Variants in HECW1 observed in about 807,000 individuals in gnomAD.
The protein encoded by HECW1 is HECT, C2 and WW domain containing E3 ubiquitin protein ligase 1, also known as E3 ubiquitin-protein ligase HECW1.
In HECW1, 61 loss-of-function variants were observed where a neutral mutation model predicts 182.3. The observed-to-expected ratio is 0.33, with a 90% confidence interval of 0.27 to 0.41. The LOEUF (loss-of-function observed/expected upper bound fraction) is 0.41. Ranked by LOEUF, HECW1 falls within the 10% of genes least tolerant of loss-of-function variation. The pLI is 1.00. For missense variants in HECW1, 1,739 were observed against 2,108.9 expected (o/e 0.82, Z 3.44); for synonymous variants, 859 against 832.6 (o/e 1.03, Z -0.55).
intron 2 of HECW1, among the ~76,000 whole-genome samples, chr7:43,128,489 A>G (rs1786528820): frequency 6.6e-6 from 1 of 152,224 alleles, no homozygotes; most frequent in Admixed American, 6.5e-5. Context: ...CCCACTTAGA[A>G]AAAAGATTCC....
At chr7:43,355,001 G>T (rs930759398) in intron 5 of HECW1, among the ~76,000 whole-genome samples, 2 of 150,406 alleles carry the variant, frequency 1.3e-5, no homozygotes, top group Admixed American at 1.3e-4. Flanking sequence ...CCAAGAGGGA[G>T]TGAGATGACA....
intron 8 of HECW1, among the ~76,000 whole-genome samples, chr7:43,410,950 T>C (rs1203622414): frequency 6.6e-6 from 1 of 152,056 alleles, no homozygotes; most frequent in Non-Finnish European, 1.5e-5. Context: ...GTGAAAGAAC[T>C]AGCTCTTGAC....
At chr7:43,141,970 G>A (rs1236163232) in intron 2 of HECW1, among the ~76,000 whole-genome samples, 4 of 152,212 alleles carry the variant, frequency 2.6e-5, no homozygotes, top group Admixed American at 6.5e-5. Flanking sequence ...GAGTTTGGGT[G>A]CAACTGACCT....
At chr7:43,446,525 C>T (rs966867262) in intron 11 of HECW1, among the ~76,000 whole-genome samples, 4 of 152,062 alleles carry the variant, frequency 2.6e-5, no homozygotes, top group Admixed American at 6.6e-5. Context: ...CAACAAAAGG[C>T]GGGGATATTT....
At chr7:43,560,773 G>C (rs1042361634) in intron 29 of HECW1, among the ~76,000 whole-genome samples, 1 of 152,196 alleles carries the variant, frequency 6.6e-6, no homozygotes, top group Non-Finnish European at 1.5e-5. Flanking sequence ...CTCTAATGAA[G>C]AGTTTAGTTT....
chr7:43,488,757 C>G (rs1224719260), intron 17 of HECW1, among the ~76,000 whole-genome samples: 1 of 152,200 alleles, frequency 6.6e-6, no homozygotes, highest in Non-Finnish European at 1.5e-5. Flanking sequence ...TCCATCCAAT[C>G]CTCCTGTTCT....
chr7:43,217,916 C>T (rs1420870970), intron 2 of HECW1, among the ~76,000 whole-genome samples: 4 of 152,158 alleles, frequency 2.6e-5, no homozygotes. Flanking sequence ...ACAAGCCTGG[C>T]CACCAGCACC....
At position 43,274,686 on chromosome 7, in the gene HECW1, T is replaced by C. The variant is rs933764992; in HGVS notation, c.27+30754T>C. The C allele has an allele frequency of 1.1e-5, 3 of 264,266 alleles. No individual in the cohort carries two copies. The East Asian group carries it at 3.4e-4, about 30-fold the overall frequency. The allele number at this position is 264,266 out of a possible 1,614,324, so 16.4% of individuals were successfully genotyped here. A position where few individuals can be genotyped will look rare whatever the true frequency, so the allele number is the denominator to read the frequency against. On this transcript the variant is annotated intron_variant, in intron 3 of 29. Coordinates refer to ENST00000395891, the MANE Select transcript of HECW1 (RefSeq NM_015052.5). ...GAGCGAGAGAGAGCGCGCAGTAAAA[T>C]CCTATTACAAAAATAGACACGAACT...
At chr7:43,193,474 G>A (rs879781483) in intron 2 of HECW1, among the ~76,000 whole-genome samples, 1 of 152,038 alleles carries the variant, frequency 6.6e-6, no homozygotes, top group African/African-American at 2.4e-5. Flanking sequence ...CTCTGTCTCC[G>A]GGGTTCAAAC....
intron 7 of HECW1, among the ~76,000 whole-genome samples, chr7:43,402,647 T>C (rs529557646): frequency 1.5e-4 from 23 of 152,128 alleles, no homozygotes; most frequent in African/African-American, 4.8e-4. Flanking sequence ...AACTCGAGAA[T>C]TGGGGACATT....
intron 3 of HECW1, among the ~76,000 whole-genome samples, chr7:43,246,743 T>G (rs1799413653): frequency 6.6e-6 from 1 of 152,208 alleles, no homozygotes; most frequent in Non-Finnish European, 1.5e-5. Flanking sequence ...ATGACTGGCA[T>G]CTCTGTGTCT....
intron 24 of HECW1, among the ~76,000 whole-genome samples, chr7:43,521,052 G>C (rs1484140969): frequency 6.6e-6 from 1 of 152,182 alleles, no homozygotes; most frequent in Non-Finnish European, 1.5e-5. Flanking sequence ...AGTAGAACCT[G>C]GGCAGCTTTC....
At chr7:43,279,728 A>AT (rs1390382682) in intron 3 of HECW1, among the ~76,000 whole-genome samples, 1 of 151,568 alleles carries the variant, frequency 6.6e-6, no homozygotes, top group Non-Finnish European at 1.5e-5. Context: ...ATGGCACCTG[A>AT]TTTTTTTCCT....
chr7:43,169,690 CTTTTT>C (rs374141328), intron 2 of HECW1, among the ~76,000 whole-genome samples: 1 of 113,478 alleles, frequency 8.8e-6, no homozygotes, highest in Non-Finnish European at 1.8e-5. Context: ...TTTTTCTTTT[CTTTTT>C]TTTTTTTTTT....
intron 9 of HECW1, among the ~76,000 whole-genome samples, chr7:43,442,191 G>A (rs1584919398): frequency 6.6e-6 from 1 of 152,168 alleles, no homozygotes; most frequent in South Asian, 2.1e-4. Flanking sequence ...TTGTTTTTGT[G>A]TTACATGATT....
intron 28 of HECW1, among the ~76,000 whole-genome samples, chr7:43,553,531 T>A (rs540493739): frequency 6.6e-6 from 1 of 152,026 alleles, no homozygotes; most frequent in African/African-American, 2.4e-5. Context: ...TAGCCAGGTG[T>A]GGTGGCACAT....
chr7:43,376,031 TA>T (rs1332988167), intron 6 of HECW1, among the ~76,000 whole-genome samples: 3 of 143,648 alleles, frequency 2.1e-5, no homozygotes, highest in Non-Finnish European at 4.5e-5. Context: ...GAAATATGTA[TA>T]TATATACACA....
chr7:43,496,941 C>T (rs997407198), intron 19 of HECW1, among the ~76,000 whole-genome samples: 5 of 152,002 alleles, frequency 3.3e-5, no homozygotes, highest in Non-Finnish European at 5.9e-5. Context: ...CAGTAGCAAG[C>T]GAAACAGACC....
chr7:43,361,789 GC>G (rs559779031), intron 6 of HECW1, among the ~76,000 whole-genome samples: 91 of 142,756 alleles, frequency 6.4e-4, no homozygotes, highest in African/African-American at 2.2e-3. Flanking sequence ...ACTTTGTCAT[GC>G]TAGTGGAAAT....
Sources: allele counts gnomAD v4.1 joint callset (sites outside exome capture counted in the v4.1 genomes callset), GRCh38; gene constraint gnomAD v4.1.1; transcripts MANE v1.5; gene names NCBI Gene and HGNC (gene_info 2026-07-23, HGNC 2026-07-21).